Variants in BTD observed in about 807,000 individuals in gnomAD.
The protein encoded by BTD is biocytinase.
BTD carries 13 observed loss-of-function variants against 17.7 expected under a neutral mutation model. The ratio of observed to expected loss-of-function variants is 0.74; its 90% CI spans 0.48 to 1.17. BTD has a LOEUF of 1.17. BTD is among the 50% of genes most tolerant of loss of function. The pLI is 0.00. For synonymous variants in BTD, 240 were observed against 245.2 expected (o/e 0.98, Z 0.20); for missense variants, 674 against 650.4 (o/e 1.04, Z -0.39).
intron 1 of BTD, among the ~76,000 whole-genome samples, chr3:15,625,007 A>G (rs1055403708): frequency 6.6e-6 from 1 of 152,214 alleles, no homozygotes; most frequent in African/African-American, 2.4e-5. Context: ...TACAGCCATG[A>G]GCCACCGCAC....
In BTD at chr3:15,645,386, C is replaced by T. The variant is rs1301007653; in HGVS notation, c.1470C>T (p.Asp490=). 1 of 1,614,048 alleles carries T rather than the reference C, an allele frequency of 6.2e-7. No homozygotes were observed. Among genetic ancestry groups the T allele is most frequent in the Admixed American group, 1.7e-5 (1 of 60,008 alleles). Residue 490 remains aspartate (D), a synonymous_variant, in exon 4 of 4, where the codon GAC becomes GAT. Coordinates refer to ENST00000643237, the MANE Select transcript of BTD (RefSeq NM_001370658.1). The part of the protein sequence containing the change: ...LTSGMTLEVP[D]QLGWENDHYF... Reference sequence around the variant, plus strand: ...CAGGGATGACCCTAGAAGTCCCTGACCAGCTTGGCTGGGAGAATGACCACT... The same window carrying T: ...CAGGGATGACCCTAGAAGTCCCTGATCAGCTTGGCTGGGAGAATGACCACT...
intron 1 of BTD, among the ~76,000 whole-genome samples, chr3:15,629,744 G>A: frequency 6.6e-6 from 1 of 152,112 alleles, no homozygotes; most frequent in East Asian, 1.9e-4. Flanking sequence ...GGTCATTAAA[G>A]CTTGACCACT....
intron 2 of BTD, among the ~76,000 whole-genome samples, chr3:15,637,473 G>A (rs1366895334): frequency 6.6e-6 from 1 of 152,142 alleles, no homozygotes; most frequent in Non-Finnish European, 1.5e-5. Context: ...TTAAGCTGAG[G>A]GCAAGACTTC....
At chr3:15,681,672 T>A (rs1350036018) in intron 3 of BTD, among the ~76,000 whole-genome samples, 1 of 152,356 alleles carries the variant, frequency 6.6e-6, no homozygotes, top group East Asian at 1.9e-4. Context: ...TGTGGAAAAG[T>A]AATTTTTAGA....
chr3:15,655,995 G>T (rs960780289), downstream of BTD, among the ~76,000 whole-genome samples: 1 of 152,042 alleles, frequency 6.6e-6, no homozygotes, highest in Non-Finnish European at 1.5e-5. Context: ...TAGAGACAAG[G>T]TTTCACCATG....
chr3:15,638,721 T>C (rs1428380760), intron 2 of BTD, among the ~76,000 whole-genome samples: 1 of 152,238 alleles, frequency 6.6e-6, no homozygotes, highest in Admixed American at 6.5e-5. Context: ...TCATTGTGCA[T>C]GCATCATAGC....
chr3:15,635,288 T>A lies in BTD; in HGVS notation c.-16-136T>A. 4 of 1,342,224 alleles carry A rather than the reference T, an allele frequency of 3.0e-6. No individual in the cohort carries two copies. The highest frequency in any genetic ancestry group is 4.2e-6 in the Non-Finnish European group (4 of 946,976). 83.1% of individuals were successfully genotyped at this position (1,342,224 alleles called of 1,614,324 possible). On this transcript the variant is annotated intron_variant, in intron 1 of 3. Coordinates refer to ENST00000643237, the MANE Select transcript of BTD (RefSeq NM_001370658.1). This position sits in a 1 kb window ranked among gnomAD's most constrained non-coding sequence, Gnocchi z 4.1. Reference sequence around the variant, plus strand: ...AACACATACTCTTTTATTAGGAACATGAAACAAACTCTTTGAGCCGCAGTA... The same window carrying A: ...AACACATACTCTTTTATTAGGAACAAGAAACAAACTCTTTGAGCCGCAGTA...
At chr3:15,665,557 C>G (rs2065971521) in intron 3 of BTD, among the ~76,000 whole-genome samples, 2 of 152,164 alleles carry the variant, frequency 1.3e-5, no homozygotes, top group African/African-American at 2.4e-5. Flanking sequence ...GGAACAGGAA[C>G]AAAGGAAAGG....
At chr3:15,720,687 G>A (rs1304633510) in intron 4 of BTD, among the ~76,000 whole-genome samples, 1 of 151,634 alleles carries the variant, frequency 6.6e-6, no homozygotes, top group African/African-American at 2.4e-5. Context: ...TTCAATTATA[G>A]ATTCTGGAAC....
chr3:15,685,016 A>C (rs1392067299), intron 3 of BTD: 1 of 579,208 alleles, frequency 1.7e-6, no homozygotes, highest in Non-Finnish European at 3.0e-6. Flanking sequence ...GGCTTATCTC[A>C]GAACACCTTT....
chr3:15,644,528 T>C lies in BTD; in HGVS notation c.612T>C (p.Pro204=). ...NLYFEAAFDV[P]LKVDLITFDT... ...ACTTTGAGGCAGCATTCGATGTTCC[T>C]CTTAAAGTGGATCTCATCACCTTTG... Residue 204 remains proline (P), a synonymous_variant, in exon 4 of 4, where the codon CCT becomes CCC. Transcript: ENST00000643237. The C allele has an allele frequency of 6.2e-7, 1 of 1,614,180 alleles. No homozygotes were observed. Among genetic ancestry groups the C allele is most frequent in the Non-Finnish European group, 8.5e-7 (1 of 1,180,034 alleles).
chr3:15,603,513 C>T (rs544478798), intron 1 of BTD, among the ~76,000 whole-genome samples: 2 of 151,896 alleles, frequency 1.3e-5, no homozygotes, highest in Non-Finnish European at 1.5e-5. Flanking sequence ...AAAAATTAGG[C>T]GGGCATGGTG....
chr3:15,722,365 G>A (rs1365733387), downstream of BTD, among the ~76,000 whole-genome samples: 1 of 152,186 alleles, frequency 6.6e-6, no homozygotes, highest in Non-Finnish European at 1.5e-5. Context: ...CTGATGCCAG[G>A]GAAGAACAGT....
At position 15,649,969 on chromosome 3, in the gene BTD, T is replaced by A. The variant is rs1262760435; in HGVS notation, c.*4481T>A. Among the ~76,000 whole-genome samples, 2 of 152,234 alleles carry A rather than the reference T, an allele frequency of 1.3e-5. No individual in the cohort carries two copies. The highest frequency in any genetic ancestry group is 2.9e-5 in the Non-Finnish European group (2 of 68,034). On this transcript the variant is annotated 3_prime_UTR_variant, in exon 4 of 4. Coordinates refer to ENST00000643237, the MANE Select transcript of BTD (RefSeq NM_001370658.1). ...CAGCTATTTTACAGATGGGGAAAACTGACAGAGAGATATTAATGAATTGCC... is the reference window on the plus strand; with the variant it reads ...CAGCTATTTTACAGATGGGGAAAACAGACAGAGAGATATTAATGAATTGCC...
downstream of BTD, among the ~76,000 whole-genome samples, chr3:15,654,378 CT>C (rs1437604594): frequency 6.6e-6 from 1 of 152,098 alleles, no homozygotes; most frequent in Non-Finnish European, 1.5e-5. Context: ...AATGATTCTT[CT>C]GGCTGATGAC....
At chr3:15,671,380 CT>C (rs2066329150) in intron 3 of BTD, among the ~76,000 whole-genome samples, 1 of 152,014 alleles carries the variant, frequency 6.6e-6, no homozygotes, top group African/African-American at 2.4e-5. Flanking sequence ...CCATATGGAA[CT>C]TTAATAGTTT....
chr3:15,603,858 G>A (rs957707524), intron 1 of BTD, among the ~76,000 whole-genome samples: 6 of 152,158 alleles, frequency 3.9e-5, no homozygotes, highest in Non-Finnish European at 8.8e-5. Flanking sequence ...ATGATCTTTG[G>A]ATCATTTTGA....
intron 3 of BTD, chr3:15,676,790 A>G (rs1228849680): frequency 6.5e-6 from 3 of 462,450 alleles, no homozygotes; most frequent in Non-Finnish European, 1.1e-5. Flanking sequence ...GTTCAAAAGC[A>G]TTTTAAATAA....
At chr3:15,603,473 C>T (rs948216325) in intron 1 of BTD, among the ~76,000 whole-genome samples, 17 of 151,984 alleles carry the variant, frequency 1.1e-4, no homozygotes, top group Admixed American at 2.6e-4. Flanking sequence ...CTGGTCAACA[C>T]GGTGAAACCC....
Sources: allele counts gnomAD v4.1 joint callset (sites outside exome capture counted in the v4.1 genomes callset), GRCh38; gene constraint gnomAD v4.1.1; non-coding constraint Gnocchi (gnomAD v3.1); transcripts MANE v1.5; gene names NCBI Gene and HGNC (gene_info 2026-07-23, HGNC 2026-07-21).